QTMAN: variants seen among roughly 807,000 people sequenced by gnomAD.
QTMAN encodes queuosine-tRNA mannosyltransferase, also known as tRNA-queuosine alpha-mannosyltransferase.
At chr2:144,107,692 C>G in the QTMAN span, among the ~76,000 whole-genome samples, 1 of 152,180 alleles carries the variant, frequency 6.6e-6, no homozygotes, top group Non-Finnish European at 1.5e-5. Flanking sequence ...GGAGCTGGTA[C>G]CATTCCTTCT....
At chr2:143,958,258 T>C in the QTMAN span, among the ~76,000 whole-genome samples, 3 of 152,072 alleles carry the variant, frequency 2.0e-5, no homozygotes, top group African/African-American at 7.2e-5. Context: ...TCAACGGGGA[T>C]TTATTTTTTC....
At chr2:143,973,220 A>AGTGATGAT in the QTMAN span, among the ~76,000 whole-genome samples, 1 of 152,056 alleles carries the variant, frequency 6.6e-6, no homozygotes, top group South Asian at 2.1e-4. Context: ...TCCAGATGAC[A>AGTGATGAT]GGTAGTGAAA....
At chr2:144,313,286 G>T in the QTMAN span, among the ~76,000 whole-genome samples, 1 of 152,248 alleles carries the variant, frequency 6.6e-6, no homozygotes, top group East Asian at 1.9e-4. Context: ...CTTTTACTAA[G>T]CCCCACATCC....
chr2:144,104,451 G>T, the QTMAN span, among the ~76,000 whole-genome samples: 4 of 152,196 alleles, frequency 2.6e-5, no homozygotes, highest in African/African-American at 9.6e-5. Flanking sequence ...CGGCACACCA[G>T]GAGATTATAT....
the QTMAN span, among the ~76,000 whole-genome samples, chr2:144,154,565 T>C: frequency 6.6e-6 from 1 of 152,274 alleles, no homozygotes; most frequent in East Asian, 1.9e-4. Context: ...AACTGAAGAT[T>C]ACAGATAATA....
At chr2:144,145,880 C>T in the QTMAN span, 1 of 425,596 alleles carries the variant, frequency 2.3e-6, no homozygotes, top group Non-Finnish European at 4.2e-6. Context: ...GGCTTAATAC[C>T]ATGTAGCAGC....
chr2:144,298,893 G>GCT, the QTMAN span, among the ~76,000 whole-genome samples: 27 of 152,082 alleles, frequency 1.8e-4, no homozygotes, highest in South Asian at 2.9e-3. Flanking sequence ...CAGAGACACT[G>GCT]CTCTCTCTCT....
the QTMAN span, among the ~76,000 whole-genome samples, chr2:144,156,258 C>T: frequency 6.6e-6 from 1 of 152,080 alleles, no homozygotes; most frequent in Non-Finnish European, 1.5e-5. Context: ...GCTTAATATA[C>T]CATTTGGAGA....
chr2:144,127,245 C>G, the QTMAN span, among the ~76,000 whole-genome samples: 1 of 151,886 alleles, frequency 6.6e-6, no homozygotes, highest in African/African-American at 2.4e-5. Flanking sequence ...TTCCACAGTG[C>G]TAATGCTGAA....
At chr2:143,984,493 GT>G in the QTMAN span, among the ~76,000 whole-genome samples, 2 of 152,204 alleles carry the variant, frequency 1.3e-5, no homozygotes, top group African/African-American at 4.8e-5. Flanking sequence ...GGTGCTAAGA[GT>G]TTCCCTGTGC....
the QTMAN span, among the ~76,000 whole-genome samples, chr2:144,203,175 G>A: frequency 1.3e-5 from 2 of 151,968 alleles, no homozygotes; most frequent in Admixed American, 1.3e-4. Context: ...GTGTGTGTGT[G>A]TGTGTGTGTG....
chr2:144,056,073 C>T, the QTMAN span, among the ~76,000 whole-genome samples: 3 of 152,150 alleles, frequency 2.0e-5, no homozygotes, highest in African/African-American at 7.2e-5. Flanking sequence ...CTTAGTATGA[C>T]TTCTGATACA....
chr2:143,950,674 A>G, the QTMAN span, among the ~76,000 whole-genome samples: 2 of 151,764 alleles, frequency 1.3e-5, no homozygotes, highest in East Asian at 3.9e-4. Flanking sequence ...TATTTCCTCA[A>G]TTTTCATTAT....
At chr2:144,103,982 C>T in the QTMAN span, among the ~76,000 whole-genome samples, 1 of 152,048 alleles carries the variant, frequency 6.6e-6, no homozygotes, top group African/African-American at 2.4e-5. Context: ...CCCAGTGACT[C>T]AGGAGGCTGA....
chr2:144,032,087 G>T, the QTMAN span, among the ~76,000 whole-genome samples: 20 of 152,172 alleles, frequency 1.3e-4, no homozygotes, highest in African/African-American at 4.6e-4. Context: ...CGGGCCTGGG[G>T]GTATGATTAT....
chr2:144,303,974 A>G, the QTMAN span, among the ~76,000 whole-genome samples: 4 of 152,238 alleles, frequency 2.6e-5, no homozygotes, highest in African/African-American at 9.6e-5. Flanking sequence ...ATAAGTGTAC[A>G]GTACATACGT....
the QTMAN span, among the ~76,000 whole-genome samples, chr2:144,204,332 G>T: frequency 6.6e-6 from 1 of 152,154 alleles, no homozygotes; most frequent in Non-Finnish European, 1.5e-5. Flanking sequence ...AGTAGGCGAA[G>T]GATATGAACA....
chr2:144,247,699 G>T, the QTMAN span, among the ~76,000 whole-genome samples: 1 of 152,022 alleles, frequency 6.6e-6, no homozygotes. Flanking sequence ...TTTTGACAGG[G>T]TCTCATTTTC....
At chr2:144,096,870 C>T in the QTMAN span, among the ~76,000 whole-genome samples, 1 of 152,218 alleles carries the variant, frequency 6.6e-6, no homozygotes. Flanking sequence ...CACAGCAGTG[C>T]ACTGACTGAG....
Sources: gnomAD v4.1 joint callset for allele counts (sites outside exome capture counted in the v4.1 genomes callset) on GRCh38, gnomAD v4.1.1 for gene constraint, MANE v1.5 for transcripts, NCBI Gene and HGNC (gene_info 2026-07-23, HGNC 2026-07-21) for gene names.